Variants in ARMC8 observed in about 807,000 individuals in gnomAD.
ARMC8 encodes the protein armadillo repeat-containing protein 8.
In ARMC8, 20 loss-of-function variants were observed where a neutral mutation model predicts 99.3. That is an observed-to-expected ratio of 0.20 (90% confidence interval 0.14 to 0.29). The LOEUF is 0.29. Among genes scored for constraint, ARMC8 ranks in the 10% least tolerant of loss-of-function variants. The probability of loss-of-function intolerance (pLI) is 1.00; values close to 1 mark genes in which losing one functional copy is unlikely to be tolerated. For missense variants in ARMC8, 569 were observed against 809.5 expected (o/e 0.70, Z 3.60); for synonymous variants, 263 against 278.3 (o/e 0.95, Z 0.55).
intron 1 of ARMC8, among the ~76,000 whole-genome samples, chr3:138,188,763 AGGGT>A (rs1161324067): frequency 1.3e-5 from 2 of 152,200 alleles, no homozygotes; most frequent in Non-Finnish European, 2.9e-5. Flanking sequence ...CTTATGATTC[AGGGT>A]TAGAGCAGTG....
intron 7 of ARMC8, among the ~76,000 whole-genome samples, chr3:138,236,076 G>T (rs1183385816): frequency 1.3e-5 from 2 of 152,094 alleles, no homozygotes; most frequent in East Asian, 3.9e-4. Flanking sequence ...AAAGTGCTGG[G>T]ATTACAGGCG....
chr3:138,294,993 G>A (rs2051337851), intron 21 of ARMC8, among the ~76,000 whole-genome samples: 1 of 151,584 alleles, frequency 6.6e-6, no homozygotes, highest in Admixed American at 6.6e-5. Context: ...CCACCCACCA[G>A]GTTCAGGCCA....
chr3:138,194,254 A>G (rs1019138930), intron 1 of ARMC8, among the ~76,000 whole-genome samples: 2 of 150,830 alleles, frequency 1.3e-5, no homozygotes, highest in African/African-American at 4.9e-5. Context: ...TGTGTTAGCC[A>G]GTATGGTCTC....
intron 1 of ARMC8, among the ~76,000 whole-genome samples, chr3:138,192,273 TC>T (rs1251526557): frequency 6.7e-6 from 1 of 149,378 alleles, no homozygotes; most frequent in African/African-American, 2.5e-5. Context: ...TATTTATTTA[TC>T]CTTTTTTTTT....
At chr3:138,221,112 T>C (rs934359929) in intron 2 of ARMC8, among the ~76,000 whole-genome samples, 5 of 152,190 alleles carry the variant, frequency 3.3e-5, no homozygotes, top group African/African-American at 4.8e-5. Context: ...TGGTAGAGGT[T>C]CTCTTATTGT....
intron 12 of ARMC8, among the ~76,000 whole-genome samples, chr3:138,258,453 A>G (rs1302723833): frequency 6.6e-6 from 1 of 152,238 alleles, no homozygotes; most frequent in African/African-American, 2.4e-5. Context: ...ACTAAAGGTC[A>G]TGGAGGGCTG....
At chr3:138,281,601 T>G (rs2108347275) in intron 18 of ARMC8, among the ~76,000 whole-genome samples, 1 of 152,310 alleles carries the variant, frequency 6.6e-6, no homozygotes, top group South Asian at 2.1e-4. Context: ...AATTGATTTC[T>G]TTAAGATTTG....
At chr3:138,229,379 A>G (rs1339989578) in intron 6 of ARMC8, among the ~76,000 whole-genome samples, 1 of 139,616 alleles carries the variant, frequency 7.2e-6, no homozygotes, top group African/African-American at 2.7e-5. Context: ...TAGTGTGTAG[A>G]TTTATTTGTC....
intron 14 of ARMC8, among the ~76,000 whole-genome samples, chr3:138,265,263 C>A (rs565700972): frequency 9.8e-4 from 149 of 152,000 alleles, no homozygotes; most frequent in African/African-American, 3.4e-3. Context: ...TTTGTCCCCC[C>A]CAAAAAAGGT....
chr3:138,193,847 G>A (rs2043535509), intron 1 of ARMC8, among the ~76,000 whole-genome samples: 1 of 152,236 alleles, frequency 6.6e-6, no homozygotes, highest in African/African-American at 2.4e-5. Context: ...TGATAAATTG[G>A]ACTTTACCAA....
At chr3:138,253,203 A>G (rs1167914254) in intron 12 of ARMC8, among the ~76,000 whole-genome samples, 1 of 152,204 alleles carries the variant, frequency 6.6e-6, no homozygotes, top group Non-Finnish European at 1.5e-5. Flanking sequence ...CATATAAGTC[A>G]GATACTTAAG....
At chr3:138,280,654 A>T (rs1370937555) in intron 18 of ARMC8, among the ~76,000 whole-genome samples, 1 of 151,568 alleles carries the variant, frequency 6.6e-6, no homozygotes, top group East Asian at 1.9e-4. Context: ...CCACCATGCC[A>T]GGCTAATTTT....
In ARMC8 at chr3:138,198,520, ATTATTT is replaced by A. The variant is rs960648009; in HGVS notation, c.45+10924_45+10929del. Reference sequence around the variant, plus strand: ...TATTATTATTATTATTATTATTATTATTATTTTTTGAGACAGATTCTCACTCTTCTC... The same window carrying A: ...TATTATTATTATTATTATTATTATTATTTGAGACAGATTCTCACTCTTCTC... On this transcript the variant is annotated intron_variant, in intron 1 of 21. Coordinates refer to ENST00000469044, the MANE Select transcript of ARMC8 (RefSeq NM_001363941.2). 9.8e-5 allele frequency among the ~76,000 whole-genome samples: 10 copies of A among 102,312 alleles called. No individual in the cohort carries two copies. The East Asian group carries it at 1.1e-3, about 11-fold the overall frequency. The allele number at this position is 102,312 out of a possible 152,430, so 67.1% of individuals were successfully genotyped here.
intron 1 of ARMC8, chr3:138,188,197 C>T (rs1359594219): frequency 6.1e-6 from 2 of 330,312 alleles, no homozygotes; most frequent in African/African-American, 4.2e-5. Context: ...TTTTTTAAGC[C>T]CCTTTCCTCC....
At position 138,237,358 on chromosome 3, in the gene ARMC8, C is replaced by G; in HGVS notation, c.659C>G (p.Pro220Arg). Reference sequence around the variant, plus strand: ...TTCTCAGTTTTAGCTTTTGAAAACCCCCAGGTATCGATGACCCTGGTAAAT... The same window carrying G: ...TTCTCAGTTTTAGCTTTTGAAAACCGCCAGGTATCGATGACCCTGGTAAAT... Reference protein sequence around the residue: ...KCFSVLAFENPQVSMTLVNVL... With the variant: ...KCFSVLAFENRQVSMTLVNVL... The change falls in exon 8 of 22, where the codon CCC (proline) becomes CGC (arginine). Residue 220 changes from proline (P) to arginine (R), a missense_variant. Around this residue, in one of 2 missense-constraint regions of ARMC8, gnomAD observed 342 missense variants for 391.6 expected, o/e 0.87. Transcript: ENST00000469044. 1.2e-6 allele frequency: 2 copies of G among 1,613,628 alleles called. No individual in the cohort carries two copies. Among genetic ancestry groups the G allele is most frequent in the Non-Finnish European group, 8.5e-7 (1 of 1,179,850 alleles).
At chr3:138,206,980 T>A (rs2044404945) in intron 1 of ARMC8, among the ~76,000 whole-genome samples, 1 of 152,250 alleles carries the variant, frequency 6.6e-6, no homozygotes, top group African/African-American at 2.4e-5. Context: ...CAAAAGGCAG[T>A]GTGAAATCTC....
intron 10 of ARMC8, among the ~76,000 whole-genome samples, chr3:138,240,030 A>T (rs1430123485): frequency 6.6e-6 from 1 of 152,138 alleles, no homozygotes; most frequent in Non-Finnish European, 1.5e-5. Flanking sequence ...AAACCTGGAG[A>T]AAAGACCAGC....
intron 5 of ARMC8, 90 bp downstream of exon 5, chr3:138,223,823 T>A: frequency 1.8e-6 from 2 of 1,130,332 alleles, no homozygotes; most frequent in Non-Finnish European, 2.6e-6. Context: ...ATCATAACTG[T>A]GTTATGTAAA....
chr3:138,274,388 C>A, intron 17 of ARMC8, 61 bp from the exon 18 acceptor site: 1 of 1,123,162 alleles, frequency 8.9e-7, no homozygotes, highest in South Asian at 1.3e-5. Context: ...TTTTAGAAGC[C>A]TTGTATTCGT....
Sources: allele counts gnomAD v4.1 joint callset (sites outside exome capture counted in the v4.1 genomes callset), GRCh38; gene constraint gnomAD v4.1.1; regional missense constraint gnomAD v4.1.1; transcripts MANE v1.5; gene names NCBI Gene and HGNC (gene_info 2026-07-23, HGNC 2026-07-21).